The following ALKBH3 variants were observed in gnomAD, a reference collection of about 807,000 sequenced individuals.
ALKBH3 encodes the protein alkB homolog 3, alpha-ketoglutarate dependent dioxygenase, also known as alpha-ketoglutarate-dependent dioxygenase alkB homolog 3.
A neutral mutation model predicts 43.9 loss-of-function variants in ALKBH3; 51 were observed. The ratio of observed to expected loss-of-function variants is 1.16; its 90% confidence interval spans 0.93 to 1.47. The LOEUF (loss-of-function observed/expected upper bound fraction) is 1.47. Ranked by LOEUF, ALKBH3 falls within the 40% of genes most tolerant of loss-of-function variation. ALKBH3 has a pLI of 0.00. For synonymous variants in ALKBH3, 102 were observed against 115.2 expected (o/e 0.89, Z 0.73); for missense variants, 361 against 351.9 (o/e 1.03, Z -0.21).
intron 7 of ALKBH3, chr11:43,897,751 A>G (rs1183006207): frequency 1.2e-6 from 1 of 801,256 alleles, no homozygotes; most frequent in Non-Finnish European, 2.3e-6. Flanking sequence ...GAGGGTCATA[A>G]TGAAACATTT....
At chr11:43,918,956 A>G in intron 8 of ALKBH3, 82 bp from the exon 9 acceptor site, 4 of 1,082,710 alleles carry the variant, frequency 3.7e-6, no homozygotes, top group Admixed American at 1.9e-5. Context: ...AGAGGTTTCC[A>G]TTTTTTTTTG....
chr11:43,889,251 C>G (rs897197142), intron 5 of ALKBH3, among the ~76,000 whole-genome samples: 1 of 152,218 alleles, frequency 6.6e-6, no homozygotes, highest in African/African-American at 2.4e-5. Flanking sequence ...TCTCGAACTC[C>G]TGACCTCAGG....
intron 8 of ALKBH3, chr11:43,910,625 G>GTT (rs986862988): frequency 6.6e-6 from 1 of 152,162 alleles, no homozygotes; most frequent in African/African-American, 2.4e-5. Context: ...GGTTAACACC[G>GTT]TAAGTTATTT....
intron 7 of ALKBH3, chr11:43,899,603 C>T: frequency 1.8e-6 from 1 of 541,000 alleles, no homozygotes. Flanking sequence ...GAGATGGCCG[C>T]CCCTCCTCGG....
chr11:43,901,537 C>G lies in ALKBH3; in HGVS notation c.481C>G (p.Leu161Val), dbSNP rs950628754. The G allele has an allele frequency of 3.0e-5, 48 of 1,613,844 alleles. No homozygotes were observed. Among genetic ancestry groups the G allele is most frequent in the Non-Finnish European group, 4.1e-5 (48 of 1,180,052 alleles). The change falls in exon 8 of 10, where the codon CTA becomes GTA. Residue 161 changes from leucine to valine, a missense_variant. Physicochemically the swap from Leu to Val is conservative, Grantham distance 32 (BLOSUM62 1). Transcript: ENST00000302708. ...NPHWHPVLRT[L>V]KNRIEENTGH... ...GCAGTGGCACCCTGTGCTGCGCACACTAAAGAACCGCATTGAAGAGAACAC... is the reference window on the plus strand; with the variant it reads ...GCAGTGGCACCCTGTGCTGCGCACAGTAAAGAACCGCATTGAAGAGAACAC...
At chr11:43,918,096 T>C (rs1254712398) in intron 8 of ALKBH3, among the ~76,000 whole-genome samples, 1 of 152,186 alleles carries the variant, frequency 6.6e-6, no homozygotes, top group African/African-American at 2.4e-5. Context: ...AGCAGATGAA[T>C]GAATAGACCC....
At chr11:43,893,867 C>T (rs1951800673) in intron 7 of ALKBH3, among the ~76,000 whole-genome samples, 1 of 152,112 alleles carries the variant, frequency 6.6e-6, no homozygotes, top group African/African-American at 2.4e-5. Context: ...GCTACCCTTT[C>T]TCAGATTTTT....
chr11:43,885,990 G>C (rs1418696254), intron 4 of ALKBH3, among the ~76,000 whole-genome samples: 1 of 152,198 alleles, frequency 6.6e-6, no homozygotes, highest in Non-Finnish European at 1.5e-5. Flanking sequence ...GGGATGCCGG[G>C]TGATGGGGTG....
In ALKBH3 at chr11:43,892,002, G is replaced by A. The variant is rs772191496; in HGVS notation, c.371-39G>A. On this transcript the variant is annotated intron_variant, in intron 6 of 9. Coordinates refer to ENST00000302708, the MANE Select transcript of ALKBH3 (RefSeq NM_139178.4). Reference sequence around the variant, plus strand: ...GCACTCAGTAGTAACACCTTAAATAGCATTAAACCATTTCAAAGGCCTGTA... The same window carrying A: ...GCACTCAGTAGTAACACCTTAAATAACATTAAACCATTTCAAAGGCCTGTA... The A allele has an allele frequency of 3.6e-5, 54 of 1,507,976 alleles. 1 individual carries two copies. The South Asian group carries it at 4.8e-4, about 13-fold the overall frequency. 93.4% of individuals were successfully genotyped at this position (1,507,976 alleles called of 1,614,324 possible). A position where few individuals can be genotyped will look rare whatever the true frequency, so the allele number is the denominator to read the frequency against.
intron 7 of ALKBH3, chr11:43,898,758 G>C (rs1951839321): frequency 1.4e-6 from 1 of 739,232 alleles, no homozygotes; most frequent in Admixed American, 1.8e-5. Flanking sequence ...TATTTCCTGT[G>C]CTCTGGACGC....
chr11:43,886,161 G>T (rs1951745207), intron 4 of ALKBH3, among the ~76,000 whole-genome samples: 1 of 152,154 alleles, frequency 6.6e-6, no homozygotes, highest in African/African-American at 2.4e-5. Context: ...GCCATTGAAG[G>T]ATTTTAATCA....
chr11:43,917,712 G>T (rs574608703), intron 8 of ALKBH3, among the ~76,000 whole-genome samples: 4 of 152,238 alleles, frequency 2.6e-5, no homozygotes, highest in African/African-American at 7.2e-5. Flanking sequence ...TGAGGGCAGG[G>T]TCACCTTCCC....
intron 8 of ALKBH3, chr11:43,910,443 A>C (rs935223263): frequency 3.3e-5 from 5 of 152,222 alleles, no homozygotes; most frequent in Admixed American, 3.3e-4. Context: ...CTTTCATCTG[A>C]AGTTCCAGTC....
chr11:43,907,115 T>C (rs7128112), intron 8 of ALKBH3, among the ~76,000 whole-genome samples: 127,341 of 152,132 alleles, frequency 0.84, 54,155 homozygotes, highest in East Asian at 0.98. Context: ...GAGGGTAAGG[T>C]GGCCTGTGGA....
At chr11:43,914,872 A>G (rs1165966435) in intron 8 of ALKBH3, among the ~76,000 whole-genome samples, 3 of 152,170 alleles carry the variant, frequency 2.0e-5, no homozygotes. Flanking sequence ...GAGTGTTCAC[A>G]GCAGAAGAAA....
At position 43,890,734 on chromosome 11, in the gene ALKBH3, C is replaced by T. The variant is rs564410666; in HGVS notation, c.370+906C>T. On this transcript the variant is annotated intron_variant, in intron 6 of 9. Transcript: ENST00000302708. ...CAAAAATTAGCCAGGCATGGTGGTG[C>T]GCACCTGTAGTCCCAGCTACTCGGG... is the stretch of plus-strand genomic sequence containing the variant. Among the ~76,000 whole-genome samples, 8 of 152,062 alleles carry T rather than the reference C, an allele frequency of 5.3e-5. No individual in the cohort carries two copies. The South Asian group carries it at 6.2e-4, about 12-fold the overall frequency.
intron 8 of ALKBH3, chr11:43,918,802 C>G (rs1427476081): frequency 4.2e-6 from 2 of 476,194 alleles, no homozygotes; most frequent in Non-Finnish European, 7.4e-6. Flanking sequence ...TGGAGGCTCA[C>G]CATAGCCCTA....
At chr11:43,897,950 G>A (rs1951831079) in intron 7 of ALKBH3, 3 of 783,708 alleles carry the variant, frequency 3.8e-6, no homozygotes, top group Admixed American at 3.4e-5. Flanking sequence ...TTAGAAGGAG[G>A]CATAACCTTT....
intron 6 of ALKBH3, among the ~76,000 whole-genome samples, chr11:43,891,707 T>G (rs1050834755): frequency 6.6e-6 from 1 of 152,214 alleles, no homozygotes; most frequent in Non-Finnish European, 1.5e-5. Context: ...GTCTCCATAT[T>G]CTGCTTTTTG....
Sources: gnomAD v4.1 joint callset for allele counts (sites outside exome capture counted in the v4.1 genomes callset) on GRCh38, gnomAD v4.1.1 for gene constraint, MANE v1.5 for transcripts, NCBI Gene and HGNC (gene_info 2026-07-23, HGNC 2026-07-21) for gene names.